MTMR2: variants seen among roughly 807,000 people sequenced by gnomAD.
MTMR2 encodes the protein myotubularin related protein 2.
A neutral mutation model predicts 86.9 loss-of-function variants in MTMR2; 55 were observed. The ratio of observed to expected loss-of-function variants is 0.63; its 90% CI spans 0.51 to 0.79. The LOEUF is 0.79. MTMR2 is among the 30% of genes least tolerant of loss of function. The probability of loss-of-function intolerance (pLI) is 0.00; values close to 1 mark genes in which losing one functional copy is unlikely to be tolerated. For missense variants in MTMR2, 659 were observed against 772.3 expected, an observed-to-expected ratio of 0.85 and a Z score of 1.74; for synonymous variants, 241 against 266.8, an observed-to-expected ratio of 0.90 and a Z score of 0.94.
At chr11:95,873,972 A>G (rs1179591702) in intron 2 of MTMR2, among the ~76,000 whole-genome samples, 1 of 152,110 alleles carries the variant, frequency 6.6e-6, no homozygotes, top group Non-Finnish European at 1.5e-5. Context: ...GTTTGTTATA[A>G]TTTCTCTTGT....
intron 1 of MTMR2, among the ~76,000 whole-genome samples, chr11:95,905,954 CGTG>C (rs1203065592): frequency 4.0e-5 from 6 of 151,892 alleles, no homozygotes; most frequent in Admixed American, 3.9e-4. Context: ...GGCCAGGCAT[CGTG>C]GTTCCGCCTG....
At chr11:95,902,486 T>C (rs1230316389) in intron 1 of MTMR2, among the ~76,000 whole-genome samples, 2 of 152,172 alleles carry the variant, frequency 1.3e-5, no homozygotes, top group East Asian at 3.9e-4. Flanking sequence ...ACTATCCACA[T>C]TAAAAACTGT....
In MTMR2 at chr11:95,832,972, A is replaced by G. The variant is rs1863086492; in HGVS notation, c.*2318T>C. The G allele has an allele frequency of 6.6e-6, 1 of 152,270 alleles. No homozygotes were observed. The highest frequency in any genetic ancestry group is 1.5e-5 in the Non-Finnish European group (1 of 68,020). The allele number at this position is 152,270 out of a possible 1,614,324, so 9.4% of individuals were successfully genotyped here. On this transcript the variant is annotated 3_prime_UTR_variant, in exon 15 of 15. Coordinates refer to ENST00000346299, the MANE Select transcript of MTMR2 (RefSeq NM_016156.6). ...CATGTGAATTGTTCATTCCAATATA[A>G]TGTGAATTGCAGTGGTAGTAGCGGT...
At chr11:95,860,649 T>C (rs528790264) in intron 5 of MTMR2, among the ~76,000 whole-genome samples, 13 of 152,328 alleles carry the variant, frequency 8.5e-5, no homozygotes, top group African/African-American at 2.6e-4. Context: ...AAAGGAACAA[T>C]GTGATGTAGA....
intron 1 of MTMR2, among the ~76,000 whole-genome samples, chr11:95,922,256 C>T (rs1866954930): frequency 6.6e-6 from 1 of 152,182 alleles, no homozygotes; most frequent in Admixed American, 6.5e-5. Flanking sequence ...ACTTCCAGTA[C>T]TTCCTTCTTT....
At chr11:95,875,915 G>C in intron 2 of MTMR2, among the ~76,000 whole-genome samples, 1 of 152,198 alleles carries the variant, frequency 6.6e-6, no homozygotes. Flanking sequence ...CAGAACAGTA[G>C]ATATTGGTGA....
At chr11:95,893,139 T>C (rs1865767836) in intron 1 of MTMR2, among the ~76,000 whole-genome samples, 1 of 152,154 alleles carries the variant, frequency 6.6e-6, no homozygotes, top group Non-Finnish European at 1.5e-5. Context: ...CTCTCTAGCA[T>C]TTCTTTCTAC....
At chr11:95,847,202 C>T (rs143128831) in intron 10 of MTMR2, among the ~76,000 whole-genome samples, 1 of 152,286 alleles carries the variant, frequency 6.6e-6, no homozygotes, top group East Asian at 1.9e-4. Context: ...GTTTTAACTT[C>T]ACAAATCAAC....
At chr11:95,861,089 G>C (rs1178438517) in intron 5 of MTMR2, among the ~76,000 whole-genome samples, 1 of 150,372 alleles carries the variant, frequency 6.7e-6, no homozygotes, top group Non-Finnish European at 1.5e-5. Flanking sequence ...GAACCCAGGA[G>C]ACGGAGCTTG....
At chr11:95,886,563 G>GT (rs938418940) in intron 2 of MTMR2, among the ~76,000 whole-genome samples, 2 of 152,128 alleles carry the variant, frequency 1.3e-5, no homozygotes, top group Non-Finnish European at 2.9e-5. Flanking sequence ...CACTTCACAT[G>GT]TATGTCGAGT....
intron 2 of MTMR2, among the ~76,000 whole-genome samples, chr11:95,876,946 G>A (rs1865135700): frequency 6.6e-6 from 1 of 152,084 alleles, no homozygotes; most frequent in Non-Finnish European, 1.5e-5. Flanking sequence ...GTTTTCACAT[G>A]GAATGGTTAG....
rs542262985 is a variant in MTMR2, at chr11:95,924,074, G to A, written c.-120C>T. The A allele has an allele frequency of 3.3e-5, 44 of 1,337,566 alleles. 1 individual carries two copies. In the South Asian group the frequency reaches 5.3e-4, roughly 16 times the overall value. The allele number at this position is 1,337,566 out of a possible 1,614,324, so 82.9% of individuals were successfully genotyped here. Reference sequence around the variant, plus strand: ...AGTCAGGCCAGCGCCGGCCCGGGAGGGAGACCGGAAGCGGCCATGTTCCCC... The same window carrying A: ...AGTCAGGCCAGCGCCGGCCCGGGAGAGAGACCGGAAGCGGCCATGTTCCCC... On this transcript the variant is annotated 5_prime_UTR_variant, in exon 1 of 15. Transcript: ENST00000346299.
chr11:95,849,719 G>C lies in MTMR2; in HGVS notation c.948C>G (p.Ile316Met), dbSNP rs1207599323. Residue 316 changes from isoleucine (I) to methionine (M), a missense_variant, in exon 9 of 15, where the codon ATC (isoleucine) becomes ATG (methionine). Ile to Met is a conservative substitution (Grantham distance 10). Coordinates refer to ENST00000346299, the MANE Select transcript of MTMR2 (RefSeq NM_016156.6). ...CACTTGGCCGGGCATCAAATATAAAGATTTTGTGAGACTGGGCATTGGAAT... is the reference window on the plus strand; with the variant it reads ...CACTTGGCCGGGCATCAAATATAAACATTTTGTGAGACTGGGCATTGGAAT... ...IMDSNAQSHK[I>M]FIFDARPSVN... 4.3e-6 allele frequency: 7 copies of C among 1,614,082 alleles called. No individual in the cohort carries two copies. In the East Asian group the frequency reaches 1.6e-4, roughly 36 times the overall value.
At chr11:95,878,687 C>T (rs1369337058) in intron 2 of MTMR2, among the ~76,000 whole-genome samples, 2 of 152,010 alleles carry the variant, frequency 1.3e-5, no homozygotes, top group African/African-American at 2.4e-5. Context: ...TTTCATTCCC[C>T]ACACCAATAT....
At chr11:95,876,386 T>C (rs1591013155) in intron 2 of MTMR2, among the ~76,000 whole-genome samples, 1 of 152,304 alleles carries the variant, frequency 6.6e-6, no homozygotes, top group African/African-American at 2.4e-5. Context: ...CCCTCAGATA[T>C]GAGGGAAGAA....
At chr11:95,886,390 A>G (rs978223998) in intron 2 of MTMR2, among the ~76,000 whole-genome samples, 6 of 152,212 alleles carry the variant, frequency 3.9e-5, no homozygotes, top group African/African-American at 1.4e-4. Context: ...ACAGATTAAC[A>G]TTATGCACTA....
chr11:95,908,231 G>A (rs1044586659), intron 1 of MTMR2, among the ~76,000 whole-genome samples: 4 of 151,536 alleles, frequency 2.6e-5, no homozygotes, highest in African/African-American at 9.7e-5. Flanking sequence ...TCAAGAATGC[G>A]ATCCCATTCA....
At chr11:95,881,934 C>T (rs888946857) in intron 2 of MTMR2, among the ~76,000 whole-genome samples, 3 of 151,988 alleles carry the variant, frequency 2.0e-5, no homozygotes, top group African/African-American at 7.2e-5. Context: ...AAGTATGAGG[C>T]TTATTGTAGA....
intron 2 of MTMR2, among the ~76,000 whole-genome samples, chr11:95,881,486 CATTT>C (rs1430095596): frequency 6.6e-6 from 1 of 152,102 alleles, no homozygotes; most frequent in Non-Finnish European, 1.5e-5. Context: ...TTTACCCATC[CATTT>C]ATTTAGATAT....
Sources: gnomAD v4.1 joint callset for allele counts (sites outside exome capture counted in the v4.1 genomes callset) on GRCh38, gnomAD v4.1.1 for gene constraint, MANE v1.5 for transcripts, NCBI Gene and HGNC (gene_info 2026-07-23, HGNC 2026-07-21) for gene names.